The following PRRC2C variants were observed in gnomAD, a reference collection of about 807,000 sequenced individuals.
PRRC2C encodes proline rich coiled-coil 2C.
A neutral mutation model predicts 317.2 loss-of-function variants in PRRC2C; 72 were observed. The observed-to-expected ratio is 0.23, with a 90% CI of 0.19 to 0.28. The LOEUF is 0.28. Among genes scored for constraint, PRRC2C ranks in the 10% least tolerant of loss-of-function variants. PRRC2C has a pLI of 1.00. For missense variants in PRRC2C, 3,074 were observed against 3,459.7 expected (o/e 0.89, Z 2.80); for synonymous variants, 1,296 against 1,205.9 (o/e 1.07, Z -1.55).
Position 171,541,185 on chromosome 1 carries a change from A to G in PRRC2C, c.3719A>G (p.Gln1240Arg), listed in dbSNP as rs761442463. The G allele has an allele frequency of 2.5e-5, 41 of 1,612,770 alleles. No individual in the cohort carries two copies. Among genetic ancestry groups the G allele is most frequent in the Non-Finnish European group, 3.4e-5 (40 of 1,179,596 alleles). ...CATATACCCTCAGGGCCTCTCAGAC[A>G]GCGAGAAGAAAGTGAAACACGGAGT... The part of the protein sequence containing the change: ...AEHIPSGPLR[Q>R]REESETRSES... The change falls in exon 16 of 35, where the codon CAG becomes CGG. Residue 1240 changes from glutamine to arginine, a missense_variant. By Grantham distance (43) the Gln-to-Arg change is conservative. Transcript: ENST00000647382. The surrounding 1 kb of genome is among the most constrained non-coding windows in gnomAD (Gnocchi z 4.1).
Position 171,557,636 on chromosome 1 carries a change from C to T in PRRC2C, c.5524C>T (p.Pro1842Ser). ...TTCAGCTCCAGCCTCAGCCCCAGCTCCAACCCCCATCCTTGCCTCAGTTTC... is the reference window on the plus strand; with the variant it reads ...TTCAGCTCCAGCCTCAGCCCCAGCTTCAACCCCCATCCTTGCCTCAGTTTC... ...SSSAPASAPAPTPILASVSTP... is the reference protein window; with the variant it reads ...SSSAPASAPASTPILASVSTP... Residue 1842 changes from proline to serine, a missense_variant, in exon 19 of 35, where the codon CCA becomes TCA. Transcript: ENST00000647382. 6.4e-7 allele frequency: 1 copy of T among 1,551,576 alleles called. No homozygotes were observed. The highest frequency in any genetic ancestry group is 1.2e-5 in the South Asian group (1 of 84,052).
intron 1 of PRRC2C, among the ~76,000 whole-genome samples, chr1:171,491,615 A>T (rs1180873877): frequency 6.6e-6 from 1 of 152,224 alleles, no homozygotes; most frequent in Non-Finnish European, 1.5e-5. Context: ...AGAAATGGTC[A>T]CTAAGGAACA....
intron 17 of PRRC2C, 71 bp downstream of exon 17, chr1:171,545,758 T>C: frequency 1.0e-6 from 1 of 976,754 alleles, no homozygotes; most frequent in East Asian, 3.5e-5. Context: ...TGCTACATTT[T>C]AAAATGTAGA....
chr1:171,487,899 T>C (rs1452835570), intron 1 of PRRC2C, among the ~76,000 whole-genome samples: 2 of 152,244 alleles, frequency 1.3e-5, no homozygotes, highest in Non-Finnish European at 2.9e-5. Flanking sequence ...CCCTTATCCC[T>C]GATATGTCTA....
At chr1:171,531,022 A>G (rs768641228) in intron 11 of PRRC2C, among the ~76,000 whole-genome samples, 1 of 152,234 alleles carries the variant, frequency 6.6e-6, no homozygotes, top group African/African-American at 2.4e-5. Flanking sequence ...CAACGTGCCC[A>G]CAATGGAATA....
chr1:171,518,355 G>T (rs1672780293), intron 6 of PRRC2C, among the ~76,000 whole-genome samples: 1 of 151,592 alleles, frequency 6.6e-6, no homozygotes, highest in African/African-American at 2.4e-5. Flanking sequence ...CTGAGAGGAG[G>T]TCCATAGGTC....
intron 18 of PRRC2C, among the ~76,000 whole-genome samples, chr1:171,553,299 G>A (rs1181753283): frequency 1.3e-5 from 2 of 152,108 alleles, no homozygotes; most frequent in African/African-American, 4.8e-5. Flanking sequence ...CGTGGGATTG[G>A]TGGTGATATC....
chr1:171,487,303 T>C (rs773654941), intron 1 of PRRC2C, among the ~76,000 whole-genome samples: 1 of 152,210 alleles, frequency 6.6e-6, no homozygotes. Context: ...GGTGGTATTG[T>C]GTAGGTTCAA....
chr1:171,499,217 A>G (rs1011375845), intron 1 of PRRC2C, among the ~76,000 whole-genome samples: 7 of 152,012 alleles, frequency 4.6e-5, no homozygotes, highest in African/African-American at 1.7e-4. Context: ...TTCTGCCTCC[A>G]CTCAGTGGAT....
At position 171,507,900 on chromosome 1, in the gene PRRC2C, T is replaced by C. The variant is rs531924081; in HGVS notation, c.-57-4132T>C. Among the ~76,000 whole-genome samples the C allele has an allele frequency of 3.3e-5, 5 of 152,360 alleles. No individual in the cohort carries two copies. The East Asian group carries it at 5.8e-4, about 18-fold the overall frequency. ...ATTACTCCTAAGAACTTTATTCTTT[T>C]TGATGCTCTAGTAAATGGGATTGTT... On this transcript the variant is annotated intron_variant, in intron 1 of 34. Coordinates refer to ENST00000647382, the MANE Select transcript of PRRC2C (RefSeq NM_001387844.1).
chr1:171,571,102 A>T (rs1232116266), intron 23 of PRRC2C, among the ~76,000 whole-genome samples: 1 of 152,230 alleles, frequency 6.6e-6, no homozygotes, highest in Admixed American at 6.5e-5. Context: ...AACTTAACGT[A>T]TAAAAAGGCA....
At chr1:171,575,350 TTTGA>T (rs1457478095) in intron 25 of PRRC2C, among the ~76,000 whole-genome samples, 1 of 152,194 alleles carries the variant, frequency 6.6e-6, no homozygotes, top group African/African-American at 2.4e-5. Flanking sequence ...AAGTTCACCT[TTTGA>T]TTGTCATTTT....
chr1:171,539,212 G>A (rs1012444687), intron 15 of PRRC2C, among the ~76,000 whole-genome samples: 1 of 152,106 alleles, frequency 6.6e-6, no homozygotes, highest in Non-Finnish European at 1.5e-5. Flanking sequence ...TGTTGGTCAG[G>A]CTGGTCTCGA....
chr1:171,587,091 A>G lies in PRRC2C; in HGVS notation c.7838A>G (p.Gln2613Arg), dbSNP rs1650213712. 1 of 1,611,812 alleles carries G rather than the reference A, an allele frequency of 6.2e-7. No individual in the cohort carries two copies. The highest frequency in any genetic ancestry group is 1.7e-5 in the Admixed American group (1 of 59,730). ...CTAATTGCTTTGCCTCAGACTCTTC[A>G]GCCCCCATTACAGCATACCACTCCC... is the stretch of plus-strand genomic sequence containing the variant. ...QPLIALPQTL[Q>R]PPLQHTTPQA... Residue 2613 changes from glutamine (Q) to arginine (R), a missense_variant, in exon 31 of 35, where the codon CAG becomes CGG. Gln to Arg is a conservative substitution (Grantham distance 43). This residue lies in a region of PRRC2C where 490 missense variants were observed against 663.1 expected (regional missense o/e 0.74). Transcript: ENST00000647382.
Position 171,585,250 on chromosome 1 carries a change from A to G in PRRC2C, c.7749+724A>G, listed in dbSNP as rs117878922. Among the ~76,000 whole-genome samples the G allele has an allele frequency of 1.2e-3, 185 of 152,330 alleles. 1 individual carries two copies. In the East Asian group the frequency reaches 0.033, roughly 27 times the overall value. On this transcript the variant is annotated intron_variant, in intron 30 of 34. Coordinates refer to ENST00000647382, the MANE Select transcript of PRRC2C (RefSeq NM_001387844.1). ...GGTGGTTTACCCATTAGTGCTAGGG[A>G]GAAGCCTCCCAAAGACCATCTGGCA...
Position 171,532,696 on chromosome 1 carries a change from C to T in PRRC2C, c.1608C>T (p.Asp536=). 1 of 1,550,142 alleles carries T rather than the reference C, an allele frequency of 6.5e-7. No homozygotes were observed. The highest frequency in any genetic ancestry group is 8.7e-7 in the Non-Finnish European group (1 of 1,146,812). ...EQEREKEREK[D]RERQQEKEKE... ...AGCGAGAGAAGGAGAGGGAAAAAGA[C>T]AGAGAGAGACAGCAGGAAAAGGAGA... is the stretch of plus-strand genomic sequence containing the variant. The change falls in exon 12 of 35, where the codon GAC becomes GAT. Residue 536 remains aspartate, a synonymous_variant. Transcript: ENST00000647382.
At position 171,535,459 on chromosome 1, in the gene PRRC2C, C is replaced by G; in HGVS notation, c.1905C>G (p.Ser635Arg). ...AACCCGTTTTCACTAGACAAGACAGCAATCGCAGTGAAAAGGAAGCCACAC... is the reference window on the plus strand; with the variant it reads ...AACCCGTTTTCACTAGACAAGACAGGAATCGCAGTGAAAAGGAAGCCACAC... ...EEEPVFTRQD[S>R]NRSEKEATPV... Residue 635 changes from serine (S) to arginine (R), a missense_variant, in exon 13 of 35, where the codon AGC (serine) becomes AGG (arginine). By Grantham distance (110) the Ser-to-Arg change is moderately radical. This residue lies in a region of PRRC2C where 1,320 missense variants were observed against 1,395.7 expected (regional missense o/e 0.95). Coordinates refer to ENST00000647382, the MANE Select transcript of PRRC2C (RefSeq NM_001387844.1). 1 of 1,613,794 alleles carries G rather than the reference C, an allele frequency of 6.2e-7. No homozygotes were observed. The highest frequency in any genetic ancestry group is 8.5e-7 in the Non-Finnish European group (1 of 1,179,810).
In PRRC2C at chr1:171,532,631, C is replaced by A. The variant is rs964739989; in HGVS notation, c.1543C>A (p.Arg515=). 7.1e-6 allele frequency: 11 copies of A among 1,551,482 alleles called. No homozygotes were observed. Among genetic ancestry groups the A allele is most frequent in the East Asian group, 2.4e-5 (1 of 40,942 alleles). The part of the protein sequence containing the change: ...EIREREREKE[R]EREKELEKEQ... ...TAGGGAAAGGGAGCGAGAAAAAGAA[C>A]GGGAGCGTGAGAAAGAACTTGAAAA... Residue 515 remains arginine (R), a synonymous_variant, in exon 12 of 35, where the codon CGG becomes AGG. Coordinates refer to ENST00000647382, the MANE Select transcript of PRRC2C (RefSeq NM_001387844.1).
intron 13 of PRRC2C, 55 bp downstream of exon 13, chr1:171,535,652 G>A (rs2102451781): frequency 6.5e-7 from 1 of 1,543,500 alleles, no homozygotes; most frequent in African/African-American, 1.4e-5. Flanking sequence ...TTATTATGCA[G>A]TAGTCTGGGA....
Sources: gnomAD v4.1 joint callset for allele counts (sites outside exome capture counted in the v4.1 genomes callset) on GRCh38, gnomAD v4.1.1 for gene constraint, gnomAD v4.1.1 regional missense constraint, Gnocchi (gnomAD v3.1) non-coding constraint, MANE v1.5 for transcripts, NCBI Gene and HGNC (gene_info 2026-07-23, HGNC 2026-07-21) for gene names.